Variants in ENPP6 observed in about 807,000 individuals in gnomAD.
The protein encoded by ENPP6 is glycerophosphocholine cholinephosphodiesterase ENPP6.
In ENPP6, 32 loss-of-function variants were observed where a neutral mutation model predicts 42.0. The observed-to-expected ratio is 0.76, with a 90% CI of 0.58 to 1.02. The LOEUF (loss-of-function observed/expected upper bound fraction) is 1.02. Among genes scored for constraint, ENPP6 ranks in the 50% least tolerant of loss-of-function variants. ENPP6 has a pLI of 0.00. For synonymous variants in ENPP6, 213 were observed against 216.0 expected, an observed-to-expected ratio of 0.99 and a Z score of 0.12; for missense variants, 552 against 566.8, an observed-to-expected ratio of 0.97 and a Z score of 0.27.
At chr4:184,171,973 G>A (rs1737474202) in intron 1 of ENPP6, among the ~76,000 whole-genome samples, 1 of 152,196 alleles carries the variant, frequency 6.6e-6, no homozygotes. Context: ...CTGGAAGTAA[G>A]TGGAGAGTGT....
At chr4:184,159,792 C>T (rs1737232553) in intron 1 of ENPP6, among the ~76,000 whole-genome samples, 1 of 151,988 alleles carries the variant, frequency 6.6e-6, no homozygotes, top group Admixed American at 6.6e-5. Flanking sequence ...GTCTTTTATC[C>T]CTCACCCCCA....
intron 6 of ENPP6, among the ~76,000 whole-genome samples, chr4:184,101,618 C>T (rs768419349): frequency 1.3e-5 from 2 of 152,156 alleles, no homozygotes; most frequent in African/African-American, 4.8e-5. Context: ...ACCAACTCTC[C>T]TGGTTTGCAG....
intron 2 of ENPP6, among the ~76,000 whole-genome samples, chr4:184,130,164 T>G (rs1263773832): frequency 6.6e-6 from 1 of 152,128 alleles, no homozygotes; most frequent in African/African-American, 2.4e-5. Flanking sequence ...GGAATGCGGT[T>G]GTGAGGGCAG....
intron 1 of ENPP6, among the ~76,000 whole-genome samples, chr4:184,163,486 G>A (rs1471156368): frequency 6.6e-6 from 1 of 152,082 alleles, no homozygotes; most frequent in African/African-American, 2.4e-5. Flanking sequence ...CAGATTTATG[G>A]TTACAGTTGG....
At chr4:184,146,878 C>G (rs911696883) in intron 2 of ENPP6, among the ~76,000 whole-genome samples, 2 of 152,212 alleles carry the variant, frequency 1.3e-5, no homozygotes, top group African/African-American at 4.8e-5. Context: ...CCTCCTCCAT[C>G]TGGTTACTAA....
chr4:184,208,002 C>A (rs1025532848), intron 1 of ENPP6, among the ~76,000 whole-genome samples: 3 of 103,954 alleles, frequency 2.9e-5, no homozygotes, highest in Non-Finnish European at 6.2e-5. Context: ...GCTCTAATGG[C>A]CTTGTTTTAA....
chr4:184,174,895 C>A (rs1029614566), intron 1 of ENPP6, among the ~76,000 whole-genome samples: 12 of 152,360 alleles, frequency 7.9e-5, no homozygotes, highest in African/African-American at 2.6e-4. Context: ...GGAATTCATG[C>A]ATCTGCTAAC....
chr4:184,113,900 T>TTTCTTTCTTTCTTTCC (rs1736258193), intron 5 of ENPP6, among the ~76,000 whole-genome samples: 1 of 20,338 alleles, frequency 4.9e-5, no homozygotes, highest in African/African-American at 1.7e-4. Context: ...CTTTCTTTCT[T>TTTCTTTCTTTCTTTCC]TTCTTTCTTT....
chr4:184,153,775 G>T, intron 1 of ENPP6, 42 bp from the exon 2 acceptor site: 1 of 1,580,734 alleles, frequency 6.3e-7, no homozygotes, highest in Non-Finnish European at 8.6e-7. Context: ...CGGTTCTGGT[G>T]GTTTCTATTT....
intron 2 of ENPP6, among the ~76,000 whole-genome samples, chr4:184,127,374 A>G (rs1379694619): frequency 1.3e-5 from 2 of 152,216 alleles, no homozygotes; most frequent in East Asian, 1.9e-4. Context: ...TGAAAAAAAG[A>G]TAGGAAAGGA....
intron 1 of ENPP6, among the ~76,000 whole-genome samples, chr4:184,199,113 C>A (rs1579661656): frequency 6.6e-6 from 1 of 152,240 alleles, no homozygotes; most frequent in Non-Finnish European, 1.5e-5. Context: ...GGCTACTCAA[C>A]ACACAGATCA....
intron 1 of ENPP6, among the ~76,000 whole-genome samples, chr4:184,195,123 G>C (rs899630810): frequency 6.6e-5 from 10 of 152,036 alleles, no homozygotes; most frequent in Admixed American, 6.5e-5. Flanking sequence ...TTTGTATATT[G>C]ATTTTTTGTA....
chr4:184,115,856 G>C (rs1202107294), intron 5 of ENPP6, among the ~76,000 whole-genome samples: 1 of 152,154 alleles, frequency 6.6e-6, no homozygotes, highest in East Asian at 1.9e-4. Flanking sequence ...CTGAGAAAGG[G>C]CAGCCTAGGG....
intron 3 of ENPP6, among the ~76,000 whole-genome samples, chr4:184,118,165 T>C (rs1357120433): frequency 2.0e-5 from 3 of 152,348 alleles, no homozygotes; most frequent in Admixed American, 2.0e-4. Context: ...TTCCATAAAA[T>C]CTGTCCTTTG....
intron 1 of ENPP6, among the ~76,000 whole-genome samples, chr4:184,197,513 A>G (rs1273319305): frequency 3.9e-5 from 6 of 152,228 alleles, no homozygotes; most frequent in Admixed American, 3.9e-4. Context: ...GGGATGCCAG[A>G]TGCTGGCCCC....
intron 1 of ENPP6, among the ~76,000 whole-genome samples, chr4:184,193,987 G>A (rs1732748217): frequency 6.6e-6 from 1 of 152,136 alleles, no homozygotes; most frequent in African/African-American, 2.4e-5. Flanking sequence ...AGATCCTAAT[G>A]CTATTTTTGG....
chr4:184,134,966 A>G (rs1489322381), intron 2 of ENPP6, among the ~76,000 whole-genome samples: 1 of 151,852 alleles, frequency 6.6e-6, no homozygotes, highest in African/African-American at 2.4e-5. Context: ...TCTTTGAATC[A>G]GGAGTTATTT....
intron 6 of ENPP6, among the ~76,000 whole-genome samples, chr4:184,101,807 G>A (rs1736008664): frequency 6.6e-6 from 1 of 152,150 alleles, no homozygotes. Context: ...TCTAGACAGG[G>A]GTAGACAGCA....
chr4:184,128,214 T>C (rs1326515452), intron 2 of ENPP6, among the ~76,000 whole-genome samples: 1 of 152,216 alleles, frequency 6.6e-6, no homozygotes, highest in Non-Finnish European at 1.5e-5. Flanking sequence ...AGAGTCTCAC[T>C]CTGTCACCCA....
Sources: allele counts gnomAD v4.1 joint callset (sites outside exome capture counted in the v4.1 genomes callset), GRCh38; gene constraint gnomAD v4.1.1; transcripts MANE v1.5; gene names NCBI Gene and HGNC (gene_info 2026-07-23, HGNC 2026-07-21).